Variants in KIF1A observed in about 807,000 individuals in gnomAD.
KIF1A encodes the protein kinesin-like protein KIF1A.
A neutral mutation model predicts 227.3 loss-of-function variants in KIF1A; 46 were observed. The observed-to-expected ratio is 0.20, with a 90% confidence interval of 0.16 to 0.26. The LOEUF (loss-of-function observed/expected upper bound fraction) is 0.26. KIF1A is among the 10% of genes least tolerant of loss of function. The pLI, the probability that KIF1A is intolerant of heterozygous loss-of-function variation, is 1.00. For synonymous variants in KIF1A, 1,022 were observed against 1,012.8 expected (o/e 1.01, Z -0.17); for missense variants, 1,683 against 2,485.9 (o/e 0.68, Z 6.87).
At chr2:240,782,679 A>G in intron 9 of KIF1A, 72 bp from the exon 10 acceptor site, 1 of 1,492,150 alleles carries the variant, frequency 6.7e-7, no homozygotes, top group Non-Finnish European at 9.1e-7. Context: ...GCGGAAGAGC[A>G]GGCGGCCCGG....
Position 240,780,080 on chromosome 2 carries a change from G to A in KIF1A, c.882+2510C>T, listed in dbSNP as rs180705819. On this transcript the variant is annotated intron_variant, in intron 10 of 48. Transcript: ENST00000498729. ...CTCACGTGGCTCCTCTCAGGCCCCC[G>A]CGAGTTCCTCCGAGTTCCCGCACGC... 2.9e-3 allele frequency among the ~76,000 whole-genome samples: 439 copies of A among 151,328 alleles called. 2 individuals are homozygous for A. Among genetic ancestry groups the A allele is most frequent in the Middle Eastern group, 6.9e-3 (2 of 288 alleles).
chr2:240,801,582 C>T (rs1005045587), intron 1 of KIF1A, among the ~76,000 whole-genome samples: 2 of 152,002 alleles, frequency 1.3e-5, no homozygotes, highest in East Asian at 3.9e-4. Flanking sequence ...TGTTTGTGTC[C>T]CCTGTTCCCA....
chr2:240,814,716 C>T (rs151088228), intron 1 of KIF1A, among the ~76,000 whole-genome samples: 149 of 152,268 alleles, frequency 9.8e-4, no homozygotes, highest in African/African-American at 3.5e-3. Flanking sequence ...TGCTTAAGCC[C>T]AGGAATTCAA....
At position 240,780,816 on chromosome 2, in the gene KIF1A, A is replaced by AGCTC. The variant is rs1240331272; in HGVS notation, c.882+1773_882+1774insGAGC. Among the ~76,000 whole-genome samples, 60 of 113,366 alleles carry AGCTC rather than the reference A, an allele frequency of 5.3e-4. 2 individuals carry two copies. Among genetic ancestry groups the AGCTC allele is most frequent in the African/African-American group, 2.8e-3 (56 of 19,834 alleles). 74.4% of individuals were successfully genotyped at this position (113,366 alleles called of 152,430 possible). A position where few individuals can be genotyped will look rare whatever the true frequency, so the allele number is the denominator to read the frequency against. ...CACAGCTCCACACACACACACACAC[A>AGCTC]CACACACACAGCTCCACACACACAC... On this transcript the variant is annotated intron_variant, in intron 10 of 48. Coordinates refer to ENST00000498729, the MANE Select transcript of KIF1A (RefSeq NM_001244008.2).
intron 45 of KIF1A, 193 bp downstream of exon 45, chr2:240,720,721 C>A: frequency 1.8e-6 from 1 of 547,364 alleles, no homozygotes; most frequent in Non-Finnish European, 3.2e-6. Flanking sequence ...TAGGATGGAG[C>A]TGGCGGGGCA....
chr2:240,808,952 G>A (rs915865130), intron 1 of KIF1A, among the ~76,000 whole-genome samples: 3 of 151,828 alleles, frequency 2.0e-5, no homozygotes, highest in Admixed American at 2.0e-4. Flanking sequence ...GGCTGGTCTT[G>A]AACTCCTGAC....
rs2125597218 is a variant in KIF1A, at chr2:240,722,456, C to T, written c.4665G>A (p.Lys1555=). ...PNERQRELAV[K]CLRLLTHTFN... is the part of the protein sequence containing the mutation. ...TGTACTGCCCACCAGCTGGACCCACCTTGACGGCCAGCTCCCGCTGCCTCT... is the reference window on the plus strand; with the variant it reads ...TGTACTGCCCACCAGCTGGACCCACTTTGACGGCCAGCTCCCGCTGCCTCT... The change falls in exon 43 of 49, where the codon AAG becomes AAA. Residue 1555 remains lysine (K), a splice_region_variant and synonymous_variant. Transcript: ENST00000498729. 6.5e-7 allele frequency: 1 copy of T among 1,546,172 alleles called. No homozygotes were observed. Among genetic ancestry groups the T allele is most frequent in the Non-Finnish European group, 8.7e-7 (1 of 1,146,700 alleles).
rs2049951526 is a variant in KIF1A, at chr2:240,757,222, C to T, written c.2858+97G>A. 1 of 1,284,832 alleles carries T rather than the reference C, an allele frequency of 7.8e-7. No individual in the cohort carries two copies. Among genetic ancestry groups the T allele is most frequent in the Non-Finnish European group, 1.1e-6 (1 of 923,436 alleles). The allele number at this position is 1,284,832 out of a possible 1,614,324, so 79.6% of individuals were successfully genotyped here. A position where few individuals can be genotyped will look rare whatever the true frequency, so the allele number is the denominator to read the frequency against. On this transcript the variant is annotated intron_variant, in intron 27 of 48. Coordinates refer to ENST00000498729, the MANE Select transcript of KIF1A (RefSeq NM_001244008.2). The surrounding 1 kb of genome is among the most constrained non-coding windows in gnomAD (Gnocchi z 6.2). Reference sequence around the variant, plus strand: ...ACCTGCCTCGCCTGCCCTGGGAGGGCCCGGGCCAGGCCCCAGCGGTTCCTC... The same window carrying T: ...ACCTGCCTCGCCTGCCCTGGGAGGGTCCGGGCCAGGCCCCAGCGGTTCCTC...
intron 28 of KIF1A, among the ~76,000 whole-genome samples, chr2:240,747,920 G>A (rs1434083026): frequency 2.0e-5 from 3 of 152,264 alleles, no homozygotes; most frequent in Non-Finnish European, 4.4e-5. Context: ...AGGAGTCAGT[G>A]CTGAGGGAAC....
chr2:240,761,433 T>C, intron 23 of KIF1A, 56 bp from the exon 24 acceptor site: 3 of 1,475,710 alleles, frequency 2.0e-6, no homozygotes, highest in Non-Finnish European at 2.7e-6. Context: ...CTGCCCACCA[T>C]GCCCCGCCCT....
In KIF1A at chr2:240,789,784, G is replaced by T. The variant is rs768238305; in HGVS notation, c.107-472C>A. Among the ~76,000 whole-genome samples, 2 of 152,134 alleles carry T rather than the reference G, an allele frequency of 1.3e-5. No homozygotes were observed. Among genetic ancestry groups the T allele is most frequent in the South Asian group, 2.1e-4 (1 of 4,820 alleles). ...ATCACGTTTGTGTTACGCCTGTGCG[G>T]TTCTTCTAGGCTTGCTACTCCAGAC... On this transcript the variant is annotated intron_variant, in intron 2 of 48. Transcript: ENST00000498729. This position sits in a 1 kb window ranked among gnomAD's most constrained non-coding sequence, Gnocchi z 4.8.
At chr2:240,787,463 G>A (rs1246881158) in intron 4 of KIF1A, 147 bp from the exon 5 acceptor site, 9 of 708,062 alleles carry the variant, frequency 1.3e-5, no homozygotes, top group Middle Eastern at 3.4e-4. Context: ...TCATGGTAAA[G>A]GCACTGAGAA....
At position 240,760,855 on chromosome 2, in the gene KIF1A, G is replaced by A; in HGVS notation, c.2266-12C>T. ...AACTGGAATTGTACCTGTGACAGGG[G>A]AAGATGACCACTCGTCAGCTCCTTG... On this transcript the variant is annotated splice_polypyrimidine_tract_variant and intron_variant, in intron 24 of 48. Coordinates refer to ENST00000498729, the MANE Select transcript of KIF1A (RefSeq NM_001244008.2). 6.2e-7 allele frequency: 1 copy of A among 1,604,444 alleles called. No homozygotes were observed.
chr2:240,762,363 C>G (rs374265471), intron 23 of KIF1A, among the ~76,000 whole-genome samples: 1 of 152,210 alleles, frequency 6.6e-6, no homozygotes, highest in East Asian at 1.9e-4. Flanking sequence ...GAAGAGTGGA[C>G]GCATGAGCAT....
rs200257048 is a variant in KIF1A, at chr2:240,741,315, C to T, written c.3703G>A (p.Asp1235Asn). Residue 1235 changes from aspartate to asparagine, a missense_variant, in exon 35 of 49, where the codon GAC (aspartate) becomes AAC (asparagine). By Grantham distance (23) the Asp-to-Asn change is conservative. Around this residue, in one of 12 missense-constraint regions of KIF1A, gnomAD observed 759 missense variants for 1,020.2 expected, o/e 0.74. Transcript: ENST00000498729. The part of the protein sequence containing the change: ...PCPGPCHCKY[D>N]LLVYFEICEL... ...CAGATCTCGAAGTAGACCAGCAGGT[C>T]GTACTTGCAGTGGCAGGGTCCCGGA... 3.4e-5 allele frequency: 55 copies of T among 1,600,522 alleles called. 1 individual carries two copies. In the Middle Eastern group the frequency reaches 8.3e-4, roughly 24 times the overall value.
At chr2:240,787,186 G>A in intron 5 of KIF1A, 65 bp downstream of exon 5, 3 of 1,313,596 alleles carry the variant, frequency 2.3e-6, no homozygotes, top group Non-Finnish European at 3.3e-6. Flanking sequence ...CATCAGAAAA[G>A]CACTGCCAGC....
intron 19 of KIF1A, 76 bp from the exon 20 acceptor site, chr2:240,765,869 C>A: frequency 9.5e-7 from 1 of 1,054,352 alleles, no homozygotes; most frequent in South Asian, 1.3e-5. Flanking sequence ...TTACCTGGCC[C>A]CCGGGCATGG....
chr2:240,724,537 A>C, intron 40 of KIF1A: 2 of 184,020 alleles, frequency 1.1e-5, no homozygotes, highest in Non-Finnish European at 2.2e-5. Context: ...CTGGATCCTG[A>C]CCCCCAAGCT....
rs1447151663 is a variant in KIF1A, at chr2:240,762,574, G to A, written c.2116+145C>T. On this transcript the variant is annotated intron_variant, in intron 23 of 48. Coordinates refer to ENST00000498729, the MANE Select transcript of KIF1A (RefSeq NM_001244008.2). The stretch of plus-strand genomic sequence containing the variant: ...ATGCTGCTTCCACGGTGCTTCCCAG[G>A]GCAAGGAGGTCTTTCCCTAAAGAGA... The A allele has an allele frequency of 6.5e-5, 80 of 1,223,344 alleles. No homozygotes were observed. The East Asian group carries it at 2.1e-3, about 32-fold the overall frequency. 75.8% of individuals were successfully genotyped at this position (1,223,344 alleles called of 1,614,324 possible). A position where few individuals can be genotyped will look rare whatever the true frequency, so the allele number is the denominator to read the frequency against.
Sources: allele counts gnomAD v4.1 joint callset (sites outside exome capture counted in the v4.1 genomes callset), GRCh38; gene constraint gnomAD v4.1.1; regional missense constraint gnomAD v4.1.1; non-coding constraint Gnocchi (gnomAD v3.1); transcripts MANE v1.5; gene names NCBI Gene and HGNC (gene_info 2026-07-23, HGNC 2026-07-21).